The following INSC variants were observed in gnomAD, a reference collection of about 807,000 sequenced individuals.
INSC encodes INSC spindle orientation adaptor protein.
Under a neutral mutation model 58.6 loss-of-function variants are expected in INSC, and 67 were observed. The ratio of observed to expected loss-of-function variants is 1.14; its 90% confidence interval spans 0.94 to 1.40. The LOEUF is 1.40. INSC is among the 40% of genes most tolerant of loss of function. The pLI is 0.00. For missense variants in INSC, 714 were observed against 692.0 expected (o/e 1.03, Z -0.36); for synonymous variants, 262 against 276.1 (o/e 0.95, Z 0.51).
chr11:15,246,006 T>TGG lies in INSC; in HGVS notation c.1565_1566insGG (p.Leu523AspfsTer104). On this transcript the variant is annotated frameshift_variant, in exon 13 of 13. Coordinates refer to ENST00000379556, the MANE Select transcript of INSC (RefSeq NM_001042536.3). LOFTEE classifies it high-confidence loss of function. ...CAGCCTCGGCTGGTGGACTCCTTCT[T>TGG]ACTCTGCAGCAACATGGAGGAGAGT... The TGG allele has an allele frequency of 6.2e-7, 1 of 1,614,190 alleles. No individual in the cohort carries two copies. Among genetic ancestry groups the TGG allele is most frequent in the East Asian group, 2.2e-5 (1 of 44,884 alleles).
intron 2 of INSC, among the ~76,000 whole-genome samples, chr11:15,154,808 T>C (rs924963497): frequency 6.6e-6 from 1 of 152,034 alleles, no homozygotes; most frequent in African/African-American, 2.4e-5. Flanking sequence ...TGTCCCTTTT[T>C]TTTTGGACAA....
At chr11:15,129,799 G>A (rs551399578) in intron 1 of INSC, among the ~76,000 whole-genome samples, 4 of 152,300 alleles carry the variant, frequency 2.6e-5, no homozygotes, top group African/African-American at 9.6e-5. Context: ...CATAGAGAAT[G>A]AGGATGAATT....
At chr11:15,219,325 T>C (rs1451748915) in intron 7 of INSC, among the ~76,000 whole-genome samples, 1 of 152,098 alleles carries the variant, frequency 6.6e-6, no homozygotes, top group African/African-American at 2.4e-5. Flanking sequence ...GAAGGCCACG[T>C]CTCCCAACTG....
Position 15,221,607 on chromosome 11 carries a change from G to T in INSC, c.950G>T (p.Ser317Ile), listed in dbSNP as rs1281402491. 6.2e-7 allele frequency: 1 copy of T among 1,613,810 alleles called. No individual in the cohort carries two copies. Among genetic ancestry groups the T allele is most frequent in the South Asian group, 1.1e-5 (1 of 91,026 alleles). ...PHLPVTQHLS[S>I]FLESMEEIVT... is the part of the protein sequence containing the mutation. The stretch of plus-strand genomic sequence containing the variant: ...CTGCCCGTCACCCAGCACCTCAGTA[G>T]CTTCCTGGAGAGCATGGAGGAGATC... Residue 317 changes from serine (S) to isoleucine (I), a missense_variant, in exon 8 of 13, where the codon AGC (serine) becomes ATC (isoleucine). Ser to Ile is a moderately radical substitution (Grantham distance 142). Transcript: ENST00000379556.
chr11:15,122,161 A>G (rs895737256), intron 1 of INSC, among the ~76,000 whole-genome samples: 1 of 152,220 alleles, frequency 6.6e-6, no homozygotes, highest in Non-Finnish European at 1.5e-5. Flanking sequence ...CAACCAATAC[A>G]ATACATTGTT....
chr11:15,240,426 C>G lies in INSC; in HGVS notation c.1394-21C>G, dbSNP rs146629692. 1.7e-5 allele frequency: 27 copies of G among 1,608,952 alleles called. No individual in the cohort carries two copies. In the African/African-American group the frequency reaches 3.3e-4, roughly 20 times the overall value. On this transcript the variant is annotated intron_variant, in intron 11 of 12. Coordinates refer to ENST00000379556, the MANE Select transcript of INSC (RefSeq NM_001042536.3). Reference sequence around the variant, plus strand: ...GCTGGGCCCTGTCCTGGGCCTGAGGCTCTCCCTGTGTCTCCTACAGGCATG... The same window carrying G: ...GCTGGGCCCTGTCCTGGGCCTGAGGGTCTCCCTGTGTCTCCTACAGGCATG...
chr11:15,176,113 C>G lies in INSC; in HGVS notation c.402+27C>G, dbSNP rs374475457. The G allele has an allele frequency of 7.5e-6, 11 of 1,465,776 alleles. No individual in the cohort carries two copies. In the African/African-American group the frequency reaches 1.5e-4, roughly 21 times the overall value. The allele number at this position is 1,465,776 out of a possible 1,614,324, so 90.8% of individuals were successfully genotyped here. The stretch of plus-strand genomic sequence containing the variant: ...TCAGCTGCCCTGGGATAGGAGTGGG[C>G]GGGAACTGGAAGTCAGGGTGCTTTA... On this transcript the variant is annotated intron_variant, in intron 3 of 12. Coordinates refer to ENST00000379556, the MANE Select transcript of INSC (RefSeq NM_001042536.3).
intron 2 of INSC, among the ~76,000 whole-genome samples, chr11:15,166,782 T>C (rs1849212038): frequency 6.6e-6 from 1 of 152,220 alleles, no homozygotes; most frequent in Non-Finnish European, 1.5e-5. Flanking sequence ...TTTGAGGATA[T>C]CTCAAAGTCT....
At chr11:15,258,576 C>A in the INSC span, among the ~76,000 whole-genome samples, 1 of 152,152 alleles carries the variant, frequency 6.6e-6, no homozygotes, top group Non-Finnish European at 1.5e-5. Context: ...AGACAGCTTG[C>A]CTGGGCAGTG....
intron 6 of INSC, among the ~76,000 whole-genome samples, chr11:15,194,505 T>C (rs1412205145): frequency 6.6e-6 from 1 of 152,210 alleles, no homozygotes; most frequent in East Asian, 1.9e-4. Context: ...GAATCACTCA[T>C]CTAAGCCCTT....
chr11:15,168,934 G>A (rs921528579), intron 2 of INSC, among the ~76,000 whole-genome samples: 1 of 152,036 alleles, frequency 6.6e-6, no homozygotes, highest in African/African-American at 2.4e-5. Context: ...GTTATATTTC[G>A]ATAAAAATTT....
chr11:15,113,620 C>A (rs886811912), upstream of INSC, among the ~76,000 whole-genome samples: 1 of 152,296 alleles, frequency 6.6e-6, no homozygotes, highest in Non-Finnish European at 1.5e-5. Context: ...GGAACTGAGG[C>A]CCCTCTCAGG....
rs528276551 is a variant in INSC at position 15,129,731 on chromosome 11, T to A, written c.-46+14728T>A. 5.3e-5 allele frequency among the ~76,000 whole-genome samples: 8 copies of A among 152,354 alleles called. No individual in the cohort carries two copies. In the South Asian group the frequency reaches 1.7e-3, roughly 32 times the overall value. ...TTTTGAATATTCATTTCTGACCAAC[T>A]TTCTAAAACCTTATATCAATTAAAA... On this transcript the variant is annotated intron_variant, in intron 1 of 12. Coordinates refer to ENST00000379556, the MANE Select transcript of INSC (RefSeq NM_001042536.3).
intron 7 of INSC, among the ~76,000 whole-genome samples, chr11:15,215,915 A>C (rs1222955512): frequency 3.3e-5 from 5 of 152,134 alleles, no homozygotes; most frequent in Non-Finnish European, 7.4e-5. Context: ...AGGGAAAATG[A>C]CCACTTCAGC....
intron 1 of INSC, among the ~76,000 whole-genome samples, chr11:15,117,770 T>C (rs1055628368): frequency 6.6e-6 from 1 of 152,210 alleles, no homozygotes; most frequent in African/African-American, 2.4e-5. Context: ...TTTCAACTCA[T>C]ATGTCTCAAT....
In INSC at chr11:15,235,711, A is replaced by G. The variant is rs374144229; in HGVS notation, c.1237+43A>G. 1.3e-4 allele frequency: 200 copies of G among 1,503,892 alleles called. 1 individual carries two copies. In the African/African-American group the frequency reaches 2.6e-3, roughly 19 times the overall value. The allele number at this position is 1,503,892 out of a possible 1,614,324, so 93.2% of individuals were successfully genotyped here. The stretch of plus-strand genomic sequence containing the variant: ...TGTACATGTTATGTGGATTATCTGG[A>G]TGTAGGGGACTGTGTCTTTGTGCTT... On this transcript the variant is annotated intron_variant, in intron 10 of 12. Transcript: ENST00000379556.
At chr11:15,123,176 T>C (rs889229240) in intron 1 of INSC, among the ~76,000 whole-genome samples, 14 of 152,216 alleles carry the variant, frequency 9.2e-5, no homozygotes, top group Admixed American at 5.2e-4. Flanking sequence ...CTCAGCTGAG[T>C]TGTCACTTTC....
At chr11:15,232,243 C>T (rs145357452) in intron 9 of INSC, among the ~76,000 whole-genome samples, 200 of 152,282 alleles carry the variant, frequency 1.3e-3, no homozygotes, top group African/African-American at 3.9e-3. Flanking sequence ...CTTGGCCACA[C>T]GGATGCTCAG....
intron 12 of INSC, among the ~76,000 whole-genome samples, chr11:15,242,031 A>C (rs939058808): frequency 6.6e-6 from 1 of 152,248 alleles, no homozygotes; most frequent in African/African-American, 2.4e-5. Context: ...GGAAATGCTA[A>C]GTTTCAGTTA....
Sources: allele counts gnomAD v4.1 joint callset (sites outside exome capture counted in the v4.1 genomes callset), GRCh38; gene constraint gnomAD v4.1.1; transcripts MANE v1.5; gene names NCBI Gene and HGNC (gene_info 2026-07-23, HGNC 2026-07-21).